The following GASK1A variants were observed in gnomAD, a reference collection of about 807,000 sequenced individuals.
The protein encoded by GASK1A is golgi associated kinase 1A.
In GASK1A, 40 loss-of-function variants were observed where a neutral mutation model predicts 41.2. The ratio of observed to expected loss-of-function variants is 0.97; its 90% confidence interval spans 0.75 to 1.27. The LOEUF is 1.27. Among genes scored for constraint, GASK1A ranks in the 50% most tolerant of loss-of-function variants. The pLI is 0.00. For missense variants in GASK1A, 678 were observed against 745.1 expected (o/e 0.91, Z 1.05); for synonymous variants, 316 against 307.1 (o/e 1.03, Z -0.30).
At chr3:43,012,254 G>A (rs1377518391) in intron 1 of GASK1A, among the ~76,000 whole-genome samples, 2 of 151,092 alleles carry the variant, frequency 1.3e-5, no homozygotes, top group African/African-American at 4.9e-5. Context: ...TGAGGTCACA[G>A]GAAGGGGCAG....
intron 1 of GASK1A, among the ~76,000 whole-genome samples, chr3:43,026,474 G>T (rs2089547540): frequency 6.6e-6 from 1 of 152,190 alleles, no homozygotes; most frequent in African/African-American, 2.4e-5. Context: ...ATATTACCTG[G>T]AGACAGTGGA....
chr3:43,005,076 G>T lies in GASK1A; in HGVS notation c.3+25431G>T, dbSNP rs1045308261. ...TCTCTCACTGACTCTGATTCCCTCT[G>T]TTTCAGTCATCACATGGCCGCCTTC... On this transcript the variant is annotated intron_variant, in intron 1 of 4. Transcript: ENST00000430121. 6.6e-5 allele frequency among the ~76,000 whole-genome samples: 10 copies of T among 152,196 alleles called. 1 individual carries two copies. The highest frequency in any genetic ancestry group is 1.3e-4 in the Non-Finnish European group (9 of 68,022).
intron 1 of GASK1A, among the ~76,000 whole-genome samples, chr3:42,986,038 A>G (rs1326732967): frequency 3.3e-5 from 5 of 152,264 alleles, no homozygotes; most frequent in Non-Finnish European, 7.3e-5. Context: ...GCAAATGTTT[A>G]TAACAGCTTT....
At chr3:43,029,201 G>T (rs1206826387) in intron 1 of GASK1A, among the ~76,000 whole-genome samples, 5 of 152,030 alleles carry the variant, frequency 3.3e-5, no homozygotes, top group African/African-American at 1.2e-4. Context: ...CTGAGTCTTG[G>T]GGGATCAGCT....
At chr3:43,053,806 G>A (rs946029535) in intron 3 of GASK1A, 163 bp downstream of exon 3, 60 of 856,994 alleles carry the variant, frequency 7.0e-5, no homozygotes, top group Middle Eastern at 2.2e-4. Context: ...CCAGGAGTCC[G>A]CAATATATAA....
chr3:42,986,023 C>A (rs770782527), intron 1 of GASK1A, among the ~76,000 whole-genome samples: 3 of 152,180 alleles, frequency 2.0e-5, no homozygotes, highest in Non-Finnish European at 4.4e-5. Context: ...ACAAAAAAAC[C>A]TGATGCAAAT....
chr3:42,995,342 A>G (rs1274946302), intron 1 of GASK1A, among the ~76,000 whole-genome samples: 4 of 152,196 alleles, frequency 2.6e-5, no homozygotes, highest in African/African-American at 9.7e-5. Context: ...GGAGCATGTC[A>G]TTGAGAGAGA....
chr3:43,021,425 A>G (rs1470818229), intron 1 of GASK1A, among the ~76,000 whole-genome samples: 2 of 152,278 alleles, frequency 1.3e-5, no homozygotes, highest in South Asian at 2.1e-4. Context: ...TTACAATGAA[A>G]GAGCTTCTCT....
rs1465635010 is a variant in GASK1A at position 43,032,550 on chromosome 3, G to A, written c.287G>A (p.Gly96Asp). Residue 96 changes from glycine to aspartate, a missense_variant, in exon 2 of 5, where the codon GGC becomes GAC. By Grantham distance (94) the Gly-to-Asp change is moderately conservative (BLOSUM62 -1). Coordinates refer to ENST00000430121, the MANE Select transcript of GASK1A (RefSeq NM_001129908.3). ...NSILVCAEEQ[G>D]HRARVDRSRE... Reference sequence around the variant, plus strand: ...ATCTTGGTCTGTGCTGAGGAGCAAGGCCATAGAGCAAGAGTGGACAGAAGC... The same window carrying A: ...ATCTTGGTCTGTGCTGAGGAGCAAGACCATAGAGCAAGAGTGGACAGAAGC... 9.0e-6 allele frequency: 14 copies of A among 1,549,356 alleles called. No individual in the cohort carries two copies. The highest frequency in any genetic ancestry group is 4.8e-5 in the South Asian group (4 of 84,044).
chr3:43,004,726 G>C (rs1243832116), intron 1 of GASK1A, among the ~76,000 whole-genome samples: 1 of 152,138 alleles, frequency 6.6e-6, no homozygotes, highest in African/African-American at 2.4e-5. Context: ...AATATAATTA[G>C]GTAATAATTT....
At chr3:42,999,217 T>C (rs993685836) in intron 1 of GASK1A, among the ~76,000 whole-genome samples, 8 of 152,196 alleles carry the variant, frequency 5.3e-5, no homozygotes, top group African/African-American at 1.9e-4. Context: ...TTGAGGTTGG[T>C]GGGAATGAAG....
At chr3:43,039,936 T>C (rs1034335957) in intron 2 of GASK1A, among the ~76,000 whole-genome samples, 18 of 152,230 alleles carry the variant, frequency 1.2e-4, no homozygotes, top group African/African-American at 4.3e-4. Flanking sequence ...CCCTTTGTTT[T>C]CCATTGTAGT....
chr3:43,017,447 A>ATG (rs2089498205), intron 1 of GASK1A, among the ~76,000 whole-genome samples: 1 of 147,960 alleles, frequency 6.8e-6, no homozygotes. Context: ...AAGTCACAAG[A>ATG]AAGGGCTGTG....
chr3:43,024,718 A>G (rs2089537923), intron 1 of GASK1A, among the ~76,000 whole-genome samples: 1 of 152,072 alleles, frequency 6.6e-6, no homozygotes, highest in Non-Finnish European at 1.5e-5. Context: ...CTGACAGCTC[A>G]TTTTGCAGAG....
At chr3:42,987,082 CA>C (rs2089315654) in intron 1 of GASK1A, among the ~76,000 whole-genome samples, 1 of 152,226 alleles carries the variant, frequency 6.6e-6, no homozygotes, top group African/African-American at 2.4e-5. Context: ...AACACTCAAA[CA>C]AAGGATTCTT....
At chr3:43,022,924 G>T (rs890449747) in intron 1 of GASK1A, among the ~76,000 whole-genome samples, 18 of 152,302 alleles carry the variant, frequency 1.2e-4, no homozygotes, top group African/African-American at 4.1e-4. Context: ...ACCTCTGTAT[G>T]GATAAATACG....
Position 43,039,521 on chromosome 3 carries a change from G to T in GASK1A, c.1290+5968G>T, listed in dbSNP as rs112801062. ...CCTAGCCTAGGTAGGTTTTATTTAT[G>T]TATTTTTTAAACTTGTATGTTCAGG... On this transcript the variant is annotated intron_variant, in intron 2 of 4. Coordinates refer to ENST00000430121, the MANE Select transcript of GASK1A (RefSeq NM_001129908.3). Among the ~76,000 whole-genome samples, 247 of 152,242 alleles carry T rather than the reference G, an allele frequency of 1.6e-3. 1 individual carries two copies. Among genetic ancestry groups the T allele is most frequent in the African/African-American group, 5.7e-3 (236 of 41,536 alleles).
chr3:43,006,182 G>C (rs1409337907), intron 1 of GASK1A, among the ~76,000 whole-genome samples: 1 of 152,064 alleles, frequency 6.6e-6, no homozygotes, highest in Non-Finnish European at 1.5e-5. Context: ...AGAGCCTTTT[G>C]ACCTGCTCCT....
rs1234886302 is a variant in GASK1A at position 43,056,979 on chromosome 3, G to A, written c.*593G>A. ...AAGTCCATAAAAAATAGAAGCATAT[G>A]ACAAAAAGCATAAGTCCCACAAACT... On this transcript the variant is annotated 3_prime_UTR_variant, in exon 5 of 5. Coordinates refer to ENST00000430121, the MANE Select transcript of GASK1A (RefSeq NM_001129908.3). The A allele has an allele frequency of 6.6e-6, 1 of 152,182 alleles. No individual in the cohort carries two copies. Among genetic ancestry groups the A allele is most frequent in the Non-Finnish European group, 1.5e-5 (1 of 68,048 alleles). The allele number at this position is 152,182 out of a possible 1,614,324, so 9.4% of individuals were successfully genotyped here.
Sources: gnomAD v4.1 joint callset for allele counts (sites outside exome capture counted in the v4.1 genomes callset) on GRCh38, gnomAD v4.1.1 for gene constraint, MANE v1.5 for transcripts, NCBI Gene and HGNC (gene_info 2026-07-23, HGNC 2026-07-21) for gene names.